TMEM132D: variants seen among roughly 807,000 people sequenced by gnomAD.
TMEM132D encodes transmembrane protein 132D.
In TMEM132D, 21 loss-of-function variants were observed where a neutral mutation model predicts 62.3. That is an observed-to-expected ratio of 0.34 (90% CI 0.24 to 0.49). TMEM132D has a LOEUF of 0.49. TMEM132D is among the 20% of genes least tolerant of loss of function. The pLI, the probability that TMEM132D is intolerant of heterozygous loss-of-function variation, is 0.99. For missense variants in TMEM132D, 1,346 were observed against 1,402.8 expected (o/e 0.96, Z 0.65); for synonymous variants, 621 against 575.6 (o/e 1.08, Z -1.13).
chr12:129,304,445 C>T (rs189471666), intron 4 of TMEM132D, among the ~76,000 whole-genome samples: 31 of 152,202 alleles, frequency 2.0e-4, no homozygotes, highest in South Asian at 1.5e-3. Flanking sequence ...CCTCCAATAC[C>T]GTGCAAAGAC....
intron 2 of TMEM132D, among the ~76,000 whole-genome samples, chr12:129,665,949 A>G (rs1278474312): frequency 6.6e-6 from 1 of 152,142 alleles, no homozygotes; most frequent in Non-Finnish European, 1.5e-5. Context: ...GGGACCTTTA[A>G]TATTTTTTCT....
At chr12:129,166,083 C>A (rs1000697233) in intron 5 of TMEM132D, among the ~76,000 whole-genome samples, 1 of 152,216 alleles carries the variant, frequency 6.6e-6, no homozygotes, top group African/African-American at 2.4e-5. Flanking sequence ...TGCCCAGTTA[C>A]AGAGCAAACC....
intron 3 of TMEM132D, among the ~76,000 whole-genome samples, chr12:129,501,077 C>G (rs775974459): frequency 1.3e-5 from 2 of 152,158 alleles, no homozygotes; most frequent in Non-Finnish European, 2.9e-5. Flanking sequence ...AGAACAGAAT[C>G]TTGAAATTGC....
chr12:129,560,008 G>A (rs545663779), intron 2 of TMEM132D, among the ~76,000 whole-genome samples: 13 of 152,240 alleles, frequency 8.5e-5, no homozygotes, highest in Admixed American at 8.5e-4. Context: ...AGCTGTTGAG[G>A]CCAGAACAAT....
rs572624623 is a variant in TMEM132D, at chr12:129,201,061, C to A, written c.1443+8459G>T. On this transcript the variant is annotated intron_variant, in intron 5 of 8. Transcript: ENST00000422113. ...GGTGGATGTTGATGCTGTTGAAATG[C>A]TGTATAATAAAGCAGGTTCACCAAG... Among the ~76,000 whole-genome samples, 129 of 152,312 alleles carry A rather than the reference C, an allele frequency of 8.5e-4. 2 individuals carry two copies. The highest frequency in any genetic ancestry group is 3.5e-3 in the South Asian group (17 of 4,820).
At chr12:129,347,934 C>T (rs1383268326) in intron 3 of TMEM132D, among the ~76,000 whole-genome samples, 2 of 152,112 alleles carry the variant, frequency 1.3e-5, no homozygotes, top group African/African-American at 2.4e-5. Context: ...GACATTTATG[C>T]AGCCAACAAA....
At chr12:129,712,084 C>T (rs970753647) in intron 1 of TMEM132D, among the ~76,000 whole-genome samples, 42 of 152,024 alleles carry the variant, frequency 2.8e-4, no homozygotes, top group African/African-American at 8.9e-4. Context: ...AAAGCTACTC[C>T]GCACAATATG....
At chr12:129,887,820 T>C (rs1288568693) in intron 1 of TMEM132D, among the ~76,000 whole-genome samples, 1 of 152,180 alleles carries the variant, frequency 6.6e-6, no homozygotes, top group Non-Finnish European at 1.5e-5. Flanking sequence ...GTTGCATTTA[T>C]CCAAACTACA....
chr12:129,846,616 G>C (rs1873370282), intron 1 of TMEM132D, among the ~76,000 whole-genome samples: 1 of 152,146 alleles, frequency 6.6e-6, no homozygotes, highest in South Asian at 2.1e-4. Flanking sequence ...ATCACTTCTT[G>C]AATCTGTGGC....
intron 1 of TMEM132D, among the ~76,000 whole-genome samples, chr12:129,790,595 T>C (rs1871375784): frequency 6.6e-6 from 1 of 152,066 alleles, no homozygotes; most frequent in African/African-American, 2.4e-5. Context: ...TCTCCATAAG[T>C]GGAGCCTGGG....
chr12:129,436,068 C>T (rs774142715), intron 3 of TMEM132D, among the ~76,000 whole-genome samples: 17 of 152,140 alleles, frequency 1.1e-4, no homozygotes, highest in South Asian at 2.1e-4. Flanking sequence ...CCCCTTTCTT[C>T]CTGTCTGAAG....
intron 5 of TMEM132D, among the ~76,000 whole-genome samples, chr12:129,139,382 C>T (rs1048563615): frequency 3.9e-5 from 6 of 152,186 alleles, no homozygotes; most frequent in African/African-American, 1.2e-4. Context: ...GTTGAAATGA[C>T]GGCCTAACCA....
intron 1 of TMEM132D, among the ~76,000 whole-genome samples, chr12:129,859,369 A>G (rs918854249): frequency 6.6e-6 from 1 of 152,258 alleles, no homozygotes; most frequent in Non-Finnish European, 1.5e-5. Context: ...TTGCACCAAC[A>G]TACTCGGCTC....
At chr12:129,440,553 C>T (rs1001493963) in intron 3 of TMEM132D, among the ~76,000 whole-genome samples, 1 of 152,184 alleles carries the variant, frequency 6.6e-6, no homozygotes, top group Non-Finnish European at 1.5e-5. Context: ...ATACACTTCT[C>T]ATATATCCCA....
intron 1 of TMEM132D, among the ~76,000 whole-genome samples, chr12:129,750,375 G>A (rs1425865477): frequency 1.3e-5 from 2 of 152,152 alleles, no homozygotes; most frequent in African/African-American, 4.8e-5. Flanking sequence ...GTGAGCTACC[G>A]CGCCCAGCCA....
chr12:129,515,051 T>G (rs1296710659), intron 3 of TMEM132D, among the ~76,000 whole-genome samples: 1 of 152,194 alleles, frequency 6.6e-6, no homozygotes, highest in Non-Finnish European at 1.5e-5. Context: ...TGGAAGAACA[T>G]TAACTCTTGC....
At chr12:129,325,176 G>A (rs377665215) in intron 4 of TMEM132D, among the ~76,000 whole-genome samples, 14 of 152,178 alleles carry the variant, frequency 9.2e-5, no homozygotes, top group African/African-American at 2.7e-4. Context: ...AGCTTCTGCC[G>A]CGGGATGGAC....
At chr12:129,468,987 C>T (rs1470097460) in intron 3 of TMEM132D, among the ~76,000 whole-genome samples, 1 of 152,200 alleles carries the variant, frequency 6.6e-6, no homozygotes, top group Non-Finnish European at 1.5e-5. Flanking sequence ...GTGACAGACA[C>T]TCTGTCTCCT....
intron 4 of TMEM132D, among the ~76,000 whole-genome samples, chr12:129,260,079 G>T (rs1021868419): frequency 1.3e-5 from 2 of 152,154 alleles, no homozygotes; most frequent in African/African-American, 4.8e-5. Flanking sequence ...GATAACATTT[G>T]GGAGTTAAAG....
Sources: gnomAD v4.1 joint callset for allele counts (sites outside exome capture counted in the v4.1 genomes callset) on GRCh38, gnomAD v4.1.1 for gene constraint, MANE v1.5 for transcripts, NCBI Gene and HGNC (gene_info 2026-07-23, HGNC 2026-07-21) for gene names.